The following NTM variants were observed in gnomAD, a reference collection of about 807,000 sequenced individuals.
The protein encoded by NTM is IgLON family member 2.
NTM carries 13 observed loss-of-function variants against 42.1 expected under a neutral mutation model. The observed-to-expected ratio is 0.31, with a 90% CI of 0.20 to 0.49. NTM has a LOEUF of 0.49. Ranked by LOEUF, NTM falls within the 20% of genes least tolerant of loss-of-function variation. The pLI is 0.99. For synonymous variants in NTM, 187 were observed against 179.2 expected (o/e 1.04, Z -0.35); for missense variants, 373 against 452.8 (o/e 0.82, Z 1.60).
intron 2 of NTM, among the ~76,000 whole-genome samples, chr11:131,917,941 C>T (rs922911867): frequency 6.6e-6 from 1 of 152,234 alleles, no homozygotes; most frequent in Non-Finnish European, 1.5e-5. Context: ...AGGAGTATGC[C>T]AGTTGTCACT....
At chr11:131,952,082 T>C (rs1020340492) in intron 2 of NTM, among the ~76,000 whole-genome samples, 8 of 152,006 alleles carry the variant, frequency 5.3e-5, no homozygotes, top group African/African-American at 2.4e-5. Flanking sequence ...GCTTATAGAC[T>C]CCTCCTCCTG....
intron 2 of NTM, among the ~76,000 whole-genome samples, chr11:131,996,194 T>G (rs2067985250): frequency 6.6e-6 from 1 of 152,124 alleles, no homozygotes; most frequent in African/African-American, 2.4e-5. Flanking sequence ...ATGATCAATC[T>G]GTGTTTTAAG....
At chr11:131,804,155 A>T (rs964331859) in intron 1 of NTM, among the ~76,000 whole-genome samples, 1 of 152,110 alleles carries the variant, frequency 6.6e-6, no homozygotes, top group Non-Finnish European at 1.5e-5. Flanking sequence ...TTCTCACTCA[A>T]ACTAGCAGAA....
intron 1 of NTM, among the ~76,000 whole-genome samples, chr11:131,377,305 G>A (rs551543090): frequency 1.3e-5 from 2 of 152,156 alleles, no homozygotes; most frequent in African/African-American, 2.4e-5. Context: ...TGTCTTTGTG[G>A]TCATTGTCTT....
intron 3 of NTM, among the ~76,000 whole-genome samples, chr11:132,208,171 C>T (rs896748838): frequency 6.6e-6 from 1 of 152,190 alleles, no homozygotes; most frequent in East Asian, 1.9e-4. Context: ...AGCCCTATCT[C>T]ACACTTGGTC....
chr11:131,874,933 A>G (rs1819113477), intron 1 of NTM, among the ~76,000 whole-genome samples: 1 of 152,182 alleles, frequency 6.6e-6, no homozygotes, highest in South Asian at 2.1e-4. Flanking sequence ...CTAACTATGT[A>G]AAGAACAAAC....
chr11:131,795,041 G>A (rs537699557), intron 1 of NTM: 5 of 964,880 alleles, frequency 5.2e-6, no homozygotes, highest in Non-Finnish European at 6.2e-6. Flanking sequence ...GTAGCCAAAG[G>A]GGGGGAAAAA....
rs182526700 is a variant in NTM, at chr11:132,028,752, A to G, written c.167+117104A>G. On this transcript the variant is annotated intron_variant, in intron 2 of 8. Coordinates refer to ENST00000683400, the MANE Select transcript of NTM (RefSeq NM_001352005.2). The stretch of plus-strand genomic sequence containing the variant: ...CCCTGCATCATTAGGCTCTGGTAAT[A>G]TAATTTCTATTGAGGGCAGGCCTTC... Among the ~76,000 whole-genome samples the G allele has an allele frequency of 1.3e-3, 195 of 152,266 alleles. 1 individual carries two copies. In the Middle Eastern group the frequency reaches 0.027, roughly 21 times the overall value.
intron 1 of NTM, among the ~76,000 whole-genome samples, chr11:131,514,996 C>T (rs540208345): frequency 3.3e-4 from 50 of 152,230 alleles, no homozygotes; most frequent in Middle Eastern, 3.4e-3. Context: ...GTAGCCTTGA[C>T]GTCTTGGGAA....
At chr11:132,209,143 C>A (rs1442685971) in intron 3 of NTM, among the ~76,000 whole-genome samples, 1 of 152,188 alleles carries the variant, frequency 6.6e-6, no homozygotes, top group East Asian at 1.9e-4. Flanking sequence ...TTAAATGATT[C>A]CAGAACTAAG....
intron 2 of NTM, among the ~76,000 whole-genome samples, chr11:132,062,770 C>T (rs2080875441): frequency 6.6e-6 from 1 of 152,116 alleles, no homozygotes; most frequent in African/African-American, 2.4e-5. Flanking sequence ...GTTTTGGCTG[C>T]ACTTGAAATG....
At chr11:132,268,617 G>C (rs1214493164) in intron 4 of NTM, among the ~76,000 whole-genome samples, 1 of 150,858 alleles carries the variant, frequency 6.6e-6, no homozygotes, top group Non-Finnish European at 1.5e-5. Flanking sequence ...TCTCCTCTGT[G>C]TGTGTGTGTG....
At chr11:131,984,954 C>T (rs1187883619) in intron 2 of NTM, among the ~76,000 whole-genome samples, 1 of 152,156 alleles carries the variant, frequency 6.6e-6, no homozygotes, top group Non-Finnish European at 1.5e-5. Context: ...TTCGTCAAAT[C>T]GTTAAGTAAT....
intron 1 of NTM, among the ~76,000 whole-genome samples, chr11:131,606,879 G>A (rs529384466): frequency 6.6e-6 from 1 of 152,296 alleles, no homozygotes; most frequent in South Asian, 2.1e-4. Flanking sequence ...GACCACATGT[G>A]GCTGGCTAAA....
chr11:131,547,066 A>G (rs1038327426), intron 1 of NTM, among the ~76,000 whole-genome samples: 1 of 152,104 alleles, frequency 6.6e-6, no homozygotes, highest in African/African-American at 2.4e-5. Flanking sequence ...AGACAGAACC[A>G]GATCCATGCA....
chr11:131,394,546 C>G (rs1259715964), intron 1 of NTM, among the ~76,000 whole-genome samples: 4 of 152,200 alleles, frequency 2.6e-5, no homozygotes, highest in Non-Finnish European at 5.9e-5. Context: ...ATGCCTTCAC[C>G]TCTCTGGATT....
At chr11:131,482,497 A>G (rs1261445884) in intron 1 of NTM, among the ~76,000 whole-genome samples, 1 of 152,178 alleles carries the variant, frequency 6.6e-6, no homozygotes, top group African/African-American at 2.4e-5. Flanking sequence ...TTCTCTATAC[A>G]GTCCCTGGGT....
At chr11:131,542,542 C>A (rs1433495017) in intron 1 of NTM, among the ~76,000 whole-genome samples, 1 of 152,136 alleles carries the variant, frequency 6.6e-6, no homozygotes, top group Admixed American at 6.5e-5. Flanking sequence ...TCTGTGAAAC[C>A]TTATGCTGCC....
At chr11:132,309,786 G>T (rs2095222096) in intron 5 of NTM, among the ~76,000 whole-genome samples, 1 of 152,112 alleles carries the variant, frequency 6.6e-6, no homozygotes, top group Non-Finnish European at 1.5e-5. Context: ...TGTAGATCAG[G>T]TGCAGTGCCC....
Sources: allele counts gnomAD v4.1 joint callset (sites outside exome capture counted in the v4.1 genomes callset), GRCh38; gene constraint gnomAD v4.1.1; transcripts MANE v1.5; gene names NCBI Gene and HGNC (gene_info 2026-07-23, HGNC 2026-07-21).